The following BRINP1 variants were observed in gnomAD, a reference collection of about 807,000 sequenced individuals.
BRINP1 encodes BMP/retinoic acid-inducible neural-specific protein 1.
Under a neutral mutation model 72.9 loss-of-function variants are expected in BRINP1, and 17 were observed. That is an observed-to-expected ratio of 0.23 (90% CI 0.16 to 0.35). The LOEUF is 0.35. Ranked by LOEUF, BRINP1 falls within the 10% of genes least tolerant of loss-of-function variation. The pLI is 1.00. For synonymous variants in BRINP1, 418 were observed against 378.5 expected (o/e 1.10, Z -1.21); for missense variants, 850 against 1,001.6 (o/e 0.85, Z 2.04).
At chr9:119,337,554 C>A (rs1009047689) in intron 1 of BRINP1, among the ~76,000 whole-genome samples, 1 of 152,230 alleles carries the variant, frequency 6.6e-6, no homozygotes, top group African/African-American at 2.4e-5. Flanking sequence ...TATAGGCTTA[C>A]AGGATCAAGT....
At chr9:119,354,061 C>T (rs988623898) in intron 1 of BRINP1, among the ~76,000 whole-genome samples, 1 of 151,902 alleles carries the variant, frequency 6.6e-6, no homozygotes, top group African/African-American at 2.4e-5. Context: ...CATTGGGAAA[C>T]TTCCCTTCTT....
intron 2 of BRINP1, among the ~76,000 whole-genome samples, chr9:119,267,256 C>T (rs1830556742): frequency 2.0e-5 from 3 of 152,074 alleles, no homozygotes; most frequent in Admixed American, 6.5e-5. Flanking sequence ...AACAGTGATG[C>T]CATTCAATGA....
intron 7 of BRINP1, among the ~76,000 whole-genome samples, chr9:119,200,636 G>GAAAAAAAAAAAAAAAGA (rs774466695): frequency 8.3e-6 from 1 of 121,202 alleles, no homozygotes; most frequent in Admixed American, 8.7e-5. Flanking sequence ...GAAAAAAAAA[G>GAAAAAAAAAAAAAAAGA]AAAAAAAAAA....
chr9:119,242,139 C>T lies in BRINP1; in HGVS notation c.487G>A (p.Ala163Thr), dbSNP rs1281945379. ...KSGNATQSVE[A>T]LHQLASSYFV... is the part of the protein sequence containing the mutation. ...TAGGATGATGCGAGCTGGTGCAGAG[C>T]TTCAACACTTTGAGTGGCATTCCCT... The change falls in exon 4 of 8, where the codon GCT becomes ACT. Residue 163 changes from alanine to threonine, a missense_variant. Transcript: ENST00000265922. 1 of 1,614,062 alleles carries T rather than the reference C, an allele frequency of 6.2e-7. No individual in the cohort carries two copies. Among genetic ancestry groups the T allele is most frequent in the African/African-American group, 1.3e-5 (1 of 74,934 alleles).
intron 2 of BRINP1, among the ~76,000 whole-genome samples, chr9:119,285,977 G>A (rs1186458031): frequency 6.6e-6 from 1 of 152,090 alleles, no homozygotes; most frequent in Non-Finnish European, 1.5e-5. Flanking sequence ...GTGCAACTTG[G>A]AAATCAATTC....
rs1037864026 is a variant in BRINP1, at chr9:119,238,178, T to C, written c.685+477A>G. Among the ~76,000 whole-genome samples, 3 of 126,414 alleles carry C rather than the reference T, an allele frequency of 2.4e-5. No homozygotes were observed. In the Admixed American group the frequency reaches 2.6e-4, roughly 11 times the overall value. The allele number at this position is 126,414 out of a possible 152,430, so 82.9% of individuals were successfully genotyped here. On this transcript the variant is annotated intron_variant, in intron 5 of 7. Coordinates refer to ENST00000265922, the MANE Select transcript of BRINP1 (RefSeq NM_014618.3). ...TTACTTTTTTTGATATAATACATTA[T>C]GCTTTTTAAAAACAGTGCTATGTGT... is the stretch of plus-strand genomic sequence containing the variant.
intron 7 of BRINP1, among the ~76,000 whole-genome samples, chr9:119,207,918 C>A (rs1337660768): frequency 1.3e-5 from 2 of 152,122 alleles, no homozygotes; most frequent in African/African-American, 2.4e-5. Flanking sequence ...TCTTGTGATG[C>A]CCTTTTAGAA....
chr9:119,353,621 T>G (rs1831526511), intron 1 of BRINP1, among the ~76,000 whole-genome samples: 1 of 152,096 alleles, frequency 6.6e-6, no homozygotes, highest in African/African-American at 2.4e-5. Flanking sequence ...GAGGCCCACA[T>G]TTTCTGTCCC....
intron 1 of BRINP1, among the ~76,000 whole-genome samples, chr9:119,332,262 T>C (rs1831306901): frequency 6.6e-6 from 1 of 152,182 alleles, no homozygotes; most frequent in Non-Finnish European, 1.5e-5. Context: ...TTTTAGTCCT[T>C]ACAATATTAA....
intron 2 of BRINP1, among the ~76,000 whole-genome samples, chr9:119,254,312 TA>T (rs1003848093): frequency 6.6e-6 from 1 of 151,982 alleles, no homozygotes; most frequent in Admixed American, 6.6e-5. Flanking sequence ...CAGAAGGGGG[TA>T]AAGCTGTCAT....
At chr9:119,206,361 A>G (rs1829854111) in intron 7 of BRINP1, among the ~76,000 whole-genome samples, 1 of 145,996 alleles carries the variant, frequency 6.8e-6, no homozygotes, top group South Asian at 2.2e-4. Flanking sequence ...CGGAGGTTGC[A>G]GTGAACCAAG....
intron 1 of BRINP1, among the ~76,000 whole-genome samples, chr9:119,332,305 A>C (rs1040969964): frequency 6.6e-6 from 1 of 152,198 alleles, no homozygotes; most frequent in African/African-American, 2.4e-5. Context: ...AAAAATTGTA[A>C]ACACTTACTG....
intron 7 of BRINP1, among the ~76,000 whole-genome samples, chr9:119,171,261 G>A (rs1221082958): frequency 9.1e-4 from 133 of 146,322 alleles, no homozygotes; most frequent in African/African-American, 3.3e-3. Context: ...GACACACATA[G>A]GCTCAAAATA....
intron 7 of BRINP1, among the ~76,000 whole-genome samples, chr9:119,175,685 A>T (rs1042533865): frequency 6.6e-6 from 1 of 152,172 alleles, no homozygotes; most frequent in African/African-American, 2.4e-5. Context: ...TCTAATGAAG[A>T]CAGATATTCC....
chr9:119,216,093 C>T (rs759361450), intron 5 of BRINP1, among the ~76,000 whole-genome samples: 1 of 152,084 alleles, frequency 6.6e-6, no homozygotes, highest in African/African-American at 2.4e-5. Context: ...ATGACGATGA[C>T]GATATTGATG....
chr9:119,287,633 A>G (rs2118969168), intron 2 of BRINP1, among the ~76,000 whole-genome samples: 1 of 152,328 alleles, frequency 6.6e-6, no homozygotes, highest in East Asian at 1.9e-4. Flanking sequence ...TCATGGAAGT[A>G]ACAGTCAAGT....
intron 1 of BRINP1, among the ~76,000 whole-genome samples, chr9:119,332,046 G>C (rs1229290747): frequency 6.6e-6 from 1 of 152,076 alleles, no homozygotes; most frequent in Non-Finnish European, 1.5e-5. Context: ...ATTGTTGCAG[G>C]GACAAGCCTC....
At chr9:119,295,091 T>C (rs1261541875) in intron 2 of BRINP1, among the ~76,000 whole-genome samples, 2 of 152,044 alleles carry the variant, frequency 1.3e-5, no homozygotes, top group Non-Finnish European at 2.9e-5. Context: ...TGCATCCCAC[T>C]TCTCGATTTT....
chr9:119,366,652 T>A lies in BRINP1; in HGVS notation c.-51+2404A>T, dbSNP rs561307192. The stretch of plus-strand genomic sequence containing the variant: ...ACCCTGAAATGCATCTCTGAAAATG[T>A]GAAGTTTGATGAGGGAAGACAAGCG... On this transcript the variant is annotated intron_variant, in intron 1 of 7. Coordinates refer to ENST00000265922, the MANE Select transcript of BRINP1 (RefSeq NM_014618.3). 2.1e-4 allele frequency among the ~76,000 whole-genome samples: 32 copies of A among 151,510 alleles called. No individual in the cohort carries two copies. The South Asian group carries it at 6.5e-3, about 31-fold the overall frequency.
Sources: allele counts gnomAD v4.1 joint callset (sites outside exome capture counted in the v4.1 genomes callset), GRCh38; gene constraint gnomAD v4.1.1; transcripts MANE v1.5; gene names NCBI Gene and HGNC (gene_info 2026-07-23, HGNC 2026-07-21).